Variants in TFCP2 observed in about 807,000 individuals in gnomAD.
TFCP2 encodes transcription factor CP2.
A neutral mutation model predicts 73.4 loss-of-function variants in TFCP2; 33 were observed. That is an observed-to-expected ratio of 0.45 (90% CI 0.34 to 0.60). The LOEUF (loss-of-function observed/expected upper bound fraction) is 0.60, where lower values mean the gene tolerates loss of function less well. TFCP2 is among the 20% of genes least tolerant of loss of function. The probability of loss-of-function intolerance (pLI) is 0.01; values close to 1 mark genes in which losing one functional copy is unlikely to be tolerated. For missense variants in TFCP2, 352 were observed against 604.0 expected, an observed-to-expected ratio of 0.58 and a Z score of 4.37; for synonymous variants, 193 against 211.6, an observed-to-expected ratio of 0.91 and a Z score of 0.76.
rs1199410724 is a variant in TFCP2, at chr12:51,095,133, C to T, written c.*108G>A. 8.0e-6 allele frequency: 10 copies of T among 1,242,774 alleles called. No homozygotes were observed. The highest frequency in any genetic ancestry group is 2.9e-5 in the African/African-American group (2 of 67,828). The allele number at this position is 1,242,774 out of a possible 1,614,324, so 77.0% of individuals were successfully genotyped here. A position where few individuals can be genotyped will look rare whatever the true frequency, so the allele number is the denominator to read the frequency against. Reference sequence around the variant, plus strand: ...CTGGACTCCTCCACACACAGTCAGACGAGTCAGGTTCTTGCAGACCTTCAA... The same window carrying T: ...CTGGACTCCTCCACACACAGTCAGATGAGTCAGGTTCTTGCAGACCTTCAA... On this transcript the variant is annotated 3_prime_UTR_variant, in exon 15 of 15. Transcript: ENST00000257915.
rs1000481765 is a variant in TFCP2, at chr12:51,098,992, T to C, written c.1277-74A>G. The C allele has an allele frequency of 1.5e-5, 22 of 1,507,336 alleles. No homozygotes were observed. In the East Asian group the frequency reaches 2.8e-4, roughly 19 times the overall value. 93.4% of individuals were successfully genotyped at this position (1,507,336 alleles called of 1,614,324 possible). ...TTACAGGTAACTTGATCACTAGGAA[T>C]GCCCACTTTTCTGAAGGACTCAGAA... On this transcript the variant is annotated intron_variant, in intron 12 of 14. Coordinates refer to ENST00000257915, the MANE Select transcript of TFCP2 (RefSeq NM_005653.5).
intron 9 of TFCP2, 142 bp from the exon 10 acceptor site, chr12:51,103,905 G>A: frequency 1.4e-6 from 1 of 726,482 alleles, no homozygotes. Context: ...AACCATGCAA[G>A]ATGCTCAAGG....
intron 1 of TFCP2, among the ~76,000 whole-genome samples, chr12:51,147,066 G>A (rs776052632): frequency 6.6e-6 from 1 of 152,200 alleles, no homozygotes; most frequent in Non-Finnish European, 1.5e-5. Context: ...CATTAGGCCG[G>A]GCACAGTGGC....
intron 1 of TFCP2, among the ~76,000 whole-genome samples, chr12:51,164,629 C>T (rs2137048139): frequency 6.7e-6 from 1 of 150,330 alleles, no homozygotes; most frequent in South Asian, 2.1e-4. Flanking sequence ...TTAACAAACT[C>T]TTGTCAGACT....
At chr12:51,115,747 A>C (rs1054241464) in intron 4 of TFCP2, among the ~76,000 whole-genome samples, 1 of 152,246 alleles carries the variant, frequency 6.6e-6, no homozygotes, top group Non-Finnish European at 1.5e-5. Flanking sequence ...AATGTATGCT[A>C]TACCATGAAC....
intron 7 of TFCP2, 82 bp from the exon 8 acceptor site, chr12:51,106,695 C>T: frequency 9.7e-7 from 1 of 1,028,380 alleles, no homozygotes; most frequent in South Asian, 1.4e-5. Context: ...TTGAATAGCA[C>T]ATCTTGATTA....
intron 11 of TFCP2, 43 bp downstream of exon 11, chr12:51,101,892 T>C (rs749622024): frequency 5.3e-6 from 7 of 1,311,136 alleles, no homozygotes; most frequent in Non-Finnish European, 4.4e-6. Flanking sequence ...CCAAATCCAT[T>C]TGGAATCCCA....
At chr12:51,154,866 T>C (rs1257641112) in intron 1 of TFCP2, among the ~76,000 whole-genome samples, 4 of 152,188 alleles carry the variant, frequency 2.6e-5, no homozygotes, top group East Asian at 3.9e-4. Flanking sequence ...CAGGATGATA[T>C]GGTGTGATGA....
chr12:51,123,591 T>A (rs1440454961), intron 1 of TFCP2, among the ~76,000 whole-genome samples: 1 of 152,210 alleles, frequency 6.6e-6, no homozygotes, highest in Non-Finnish European at 1.5e-5. Context: ...AATTCATTTT[T>A]TTATTTTTAT....
intron 1 of TFCP2, among the ~76,000 whole-genome samples, chr12:51,157,128 G>T (rs1382593186): frequency 6.6e-6 from 1 of 151,096 alleles, no homozygotes; most frequent in African/African-American, 2.4e-5. Context: ...TGATTCTCCT[G>T]CCTCAGCCTC....
intron 1 of TFCP2, among the ~76,000 whole-genome samples, chr12:51,150,848 T>C (rs972312330): frequency 1.3e-5 from 2 of 152,172 alleles, no homozygotes; most frequent in Non-Finnish European, 2.9e-5. Flanking sequence ...AAACTACTTA[T>C]TAGGCACTAT....
intron 1 of TFCP2, among the ~76,000 whole-genome samples, chr12:51,149,807 G>A (rs1407711075): frequency 6.6e-6 from 1 of 152,066 alleles, no homozygotes; most frequent in African/African-American, 2.4e-5. Flanking sequence ...CGCCATGTTG[G>A]CCAGGCTGGT....
chr12:51,098,289 T>A (rs867251565), intron 13 of TFCP2, among the ~76,000 whole-genome samples: 2 of 152,150 alleles, frequency 1.3e-5, no homozygotes, highest in African/African-American at 2.4e-5. Context: ...TAACAAAAAA[T>A]TTTAAGTCAA....
chr12:51,101,831 T>A, intron 11 of TFCP2, 104 bp downstream of exon 11: 1 of 650,486 alleles, frequency 1.5e-6, no homozygotes, highest in Non-Finnish European at 2.7e-6. Context: ...AAAACAAATG[T>A]TTTGAGAAGG....
chr12:51,110,654 A>G (rs565831161), intron 5 of TFCP2, among the ~76,000 whole-genome samples: 2 of 152,326 alleles, frequency 1.3e-5, no homozygotes, highest in East Asian at 3.8e-4. Context: ...TTATGCAGCC[A>G]TTACCAAGCA....
intron 8 of TFCP2, among the ~76,000 whole-genome samples, chr12:51,104,539 AG>A (rs1275572534): frequency 1.3e-5 from 2 of 152,130 alleles, no homozygotes; most frequent in Non-Finnish European, 1.5e-5. Flanking sequence ...AAATTATGAA[AG>A]AATAATTATC....
chr12:51,106,781 G>T (rs757189697), intron 7 of TFCP2, 168 bp from the exon 8 acceptor site: 2 of 607,652 alleles, frequency 3.3e-6, no homozygotes, highest in African/African-American at 1.9e-5. Flanking sequence ...TGGAGCCTGT[G>T]GGGAGGCCTG....
At chr12:51,138,516 C>T (rs1168018051) in intron 1 of TFCP2, among the ~76,000 whole-genome samples, 5 of 152,004 alleles carry the variant, frequency 3.3e-5, no homozygotes. Flanking sequence ...CCTGAAAGTA[C>T]CAGAATAGTT....
At chr12:51,121,193 G>T (rs1360448772) in intron 1 of TFCP2, among the ~76,000 whole-genome samples, 1 of 152,034 alleles carries the variant, frequency 6.6e-6, no homozygotes, top group Non-Finnish European at 1.5e-5. Flanking sequence ...GGCCAAGGGG[G>T]GCAGATCACT....
Sources: allele counts gnomAD v4.1 joint callset (sites outside exome capture counted in the v4.1 genomes callset), GRCh38; gene constraint gnomAD v4.1.1; transcripts MANE v1.5; gene names NCBI Gene and HGNC (gene_info 2026-07-23, HGNC 2026-07-21).